The following SLC25A24 variants were observed in gnomAD, a reference collection of about 807,000 sequenced individuals.
SLC25A24 encodes mitochondrial adenyl nucleotide antiporter SLC25A24.
In SLC25A24, 49 loss-of-function variants were observed where a neutral mutation model predicts 60.7. That is an observed-to-expected ratio of 0.81 (90% CI 0.64 to 1.02). SLC25A24 has a LOEUF of 1.02. SLC25A24 is among the 50% of genes least tolerant of loss of function. The pLI is 0.00. For missense variants in SLC25A24, 564 were observed against 586.3 expected (o/e 0.96, Z 0.39); for synonymous variants, 202 against 200.6 (o/e 1.01, Z -0.06).
chr1:108,163,375 T>C (rs1257499892), intron 3 of SLC25A24, among the ~76,000 whole-genome samples: 1 of 149,570 alleles, frequency 6.7e-6, no homozygotes, highest in African/African-American at 2.5e-5. Context: ...AATCTGTAAA[T>C]TGCCTTGGGC....
chr1:108,162,088 T>C (rs1027943956), intron 3 of SLC25A24, among the ~76,000 whole-genome samples: 1 of 152,090 alleles, frequency 6.6e-6, no homozygotes, highest in African/African-American at 2.4e-5. Flanking sequence ...AGAATGATGA[T>C]TTCCAATTTC....
At chr1:108,143,144 A>ATTC (rs1321982865) in intron 8 of SLC25A24, among the ~76,000 whole-genome samples, 2 of 152,214 alleles carry the variant, frequency 1.3e-5, no homozygotes, top group African/African-American at 4.8e-5. Flanking sequence ...TAAATTATTA[A>ATTC]ATGATTTAGA....
intron 7 of SLC25A24, among the ~76,000 whole-genome samples, chr1:108,147,201 T>A (rs1254030342): frequency 6.6e-6 from 1 of 152,348 alleles, no homozygotes; most frequent in South Asian, 2.1e-4. Flanking sequence ...TTTATTTGCA[T>A]AGAGGTGTTT....
At chr1:108,158,482 T>C (rs919312982) in intron 4 of SLC25A24, among the ~76,000 whole-genome samples, 2 of 152,110 alleles carry the variant, frequency 1.3e-5, no homozygotes, top group Admixed American at 6.6e-5. Context: ...CCGTAAGAAT[T>C]ATGTAAATAA....
chr1:108,159,234 GC>G (rs1299178100), intron 4 of SLC25A24, among the ~76,000 whole-genome samples: 9 of 152,244 alleles, frequency 5.9e-5, no homozygotes, highest in Admixed American at 5.2e-4. Context: ...ATTGTTAAGT[GC>G]CTTATGCCAG....
rs1648630977 is a variant in SLC25A24, at chr1:108,200,321, A to T, written c.-183T>A. 2 of 392,358 alleles carry T rather than the reference A, an allele frequency of 5.1e-6. No individual in the cohort carries two copies. The highest frequency in any genetic ancestry group is 8.3e-6 in the Non-Finnish European group (2 of 240,078). 24.3% of individuals were successfully genotyped at this position (392,358 alleles called of 1,614,324 possible). A position where few individuals can be genotyped will look rare whatever the true frequency, so the allele number is the denominator to read the frequency against. ...GGCGCAGGAGCGGAGACCCCACCCGAGCCCGCGCGGAGCGCAGGGTGTGGC... is the reference window on the plus strand; with the variant it reads ...GGCGCAGGAGCGGAGACCCCACCCGTGCCCGCGCGGAGCGCAGGGTGTGGC... On this transcript the variant is annotated 5_prime_UTR_variant, in exon 1 of 10. Transcript: ENST00000565488.
chr1:108,158,996 C>CCGT (rs1226771843), intron 4 of SLC25A24, among the ~76,000 whole-genome samples: 3 of 152,130 alleles, frequency 2.0e-5, no homozygotes, highest in Admixed American at 2.0e-4. Flanking sequence ...GAGCAAGACT[C>CCGT]CGTCTCAAAA....
intron 3 of SLC25A24, among the ~76,000 whole-genome samples, chr1:108,166,217 G>T (rs2101623820): frequency 6.6e-6 from 1 of 152,276 alleles, no homozygotes; most frequent in South Asian, 2.1e-4. Flanking sequence ...CTCTCTGGCT[G>T]CCCTTAACAT....
intron 3 of SLC25A24, among the ~76,000 whole-genome samples, chr1:108,169,363 T>C (rs1230361588): frequency 1.3e-5 from 2 of 152,224 alleles, no homozygotes; most frequent in East Asian, 1.9e-4. Context: ...GTTTTTTTAA[T>C]GGCATTGAAT....
chr1:108,147,135 A>G (rs1679625365), intron 7 of SLC25A24, among the ~76,000 whole-genome samples: 1 of 152,150 alleles, frequency 6.6e-6, no homozygotes. Flanking sequence ...TTCCTGATTT[A>G]GTCTTGGGAG....
intron 1 of SLC25A24, among the ~76,000 whole-genome samples, chr1:108,197,757 T>C (rs1157219258): frequency 1.3e-5 from 2 of 152,194 alleles, no homozygotes; most frequent in Non-Finnish European, 1.5e-5. Flanking sequence ...TGCAATCCTG[T>C]GGAGGATGTG....
Position 108,161,123 on chromosome 1 carries a change from G to A in SLC25A24, c.510+59C>T. 4 of 932,080 alleles carry A rather than the reference G, an allele frequency of 4.3e-6. No homozygotes were observed. In the South Asian group the frequency reaches 5.7e-5, roughly 13 times the overall value. The allele number at this position is 932,080 out of a possible 1,614,324, so 57.7% of individuals were successfully genotyped here. A position where few individuals can be genotyped will look rare whatever the true frequency, so the allele number is the denominator to read the frequency against. ...TAAGTGTTACAGAGTGTTCTTGGGT[G>A]ATAACTGTACCTATGGTTTATAGCT... On this transcript the variant is annotated intron_variant, in intron 4 of 9. Coordinates refer to ENST00000565488, the MANE Select transcript of SLC25A24 (RefSeq NM_013386.5).
In SLC25A24 at chr1:108,174,501, C is replaced by T. The variant is rs576307753; in HGVS notation, c.398+7440G>A. On this transcript the variant is annotated intron_variant, in intron 3 of 9. Coordinates refer to ENST00000565488, the MANE Select transcript of SLC25A24 (RefSeq NM_013386.5). ...GGGTGGAGCCCTTGAGGAGAACCTC[C>T]GCTAGGGCAGTGCAAAAGGGAAATG... is the stretch of plus-strand genomic sequence containing the variant. Among the ~76,000 whole-genome samples the T allele has an allele frequency of 2.9e-3, 447 of 152,310 alleles. 1 individual carries two copies. The highest frequency in any genetic ancestry group is 9.1e-3 in the African/African-American group (379 of 41,578).
intron 7 of SLC25A24, among the ~76,000 whole-genome samples, chr1:108,146,542 G>A (rs1679599646): frequency 1.3e-5 from 2 of 152,146 alleles, no homozygotes; most frequent in Admixed American, 1.3e-4. Flanking sequence ...GTATGATATT[G>A]GCTGTGGGTT....
In SLC25A24 at chr1:108,148,399, GT is replaced by G; in HGVS notation, c.823-14del. On this transcript the variant is annotated splice_polypyrimidine_tract_variant and intron_variant, in intron 6 of 9. Coordinates refer to ENST00000565488, the MANE Select transcript of SLC25A24 (RefSeq NM_013386.5). The stretch of plus-strand genomic sequence containing the variant: ...GTAACTTCTTGTACTGTATAAACAA[GT>G]TTTAAAATGCACATTACTACCTGCT... 1 of 1,451,826 alleles carries G rather than the reference GT, an allele frequency of 6.9e-7. No individual in the cohort carries two copies. The highest frequency in any genetic ancestry group is 9.7e-7 in the Non-Finnish European group (1 of 1,032,426). 89.9% of individuals were successfully genotyped at this position (1,451,826 alleles called of 1,614,324 possible). A position where few individuals can be genotyped will look rare whatever the true frequency, so the allele number is the denominator to read the frequency against.
At chr1:108,182,381 T>C (rs1481364814) in intron 2 of SLC25A24, among the ~76,000 whole-genome samples, 3 of 152,158 alleles carry the variant, frequency 2.0e-5, no homozygotes, top group Non-Finnish European at 4.4e-5. Flanking sequence ...CCAAGATAAA[T>C]TCAATTAAAG....
intron 1 of SLC25A24, among the ~76,000 whole-genome samples, chr1:108,186,810 G>C (rs896970510): frequency 2.0e-4 from 30 of 152,120 alleles, no homozygotes; most frequent in African/African-American, 6.5e-4. Context: ...GGGCACAGTG[G>C]CTCATTCCTA....
chr1:108,146,096 G>C (rs974038443), intron 7 of SLC25A24, among the ~76,000 whole-genome samples: 2 of 152,170 alleles, frequency 1.3e-5, no homozygotes, highest in Non-Finnish European at 2.9e-5. Flanking sequence ...TCCTTGAGGA[G>C]TGGTTTGTAG....
chr1:108,138,920 T>C, intron 9 of SLC25A24, 138 bp downstream of exon 9: 1 of 844,974 alleles, frequency 1.2e-6, no homozygotes, highest in Non-Finnish European at 1.7e-6. Context: ...AAAGATTCCT[T>C]AAGGAGGCAA....
Sources: allele counts gnomAD v4.1 joint callset (sites outside exome capture counted in the v4.1 genomes callset), GRCh38; gene constraint gnomAD v4.1.1; transcripts MANE v1.5; gene names NCBI Gene and HGNC (gene_info 2026-07-23, HGNC 2026-07-21).